The following EPHA3 variants were observed in gnomAD, a reference collection of about 807,000 sequenced individuals.
EPHA3 encodes ephrin type-A receptor 3.
A neutral mutation model predicts 107.1 loss-of-function variants in EPHA3; 42 were observed. The observed-to-expected ratio is 0.39, with a 90% CI of 0.31 to 0.51. The LOEUF (loss-of-function observed/expected upper bound fraction) is 0.51, where lower values mean the gene tolerates loss of function less well. Ranked by LOEUF, EPHA3 falls within the 20% of genes least tolerant of loss-of-function variation. The pLI, the probability that EPHA3 is intolerant of heterozygous loss-of-function variation, is 0.78. For missense variants in EPHA3, 1,183 were observed against 1,211.2 expected, an observed-to-expected ratio of 0.98 and a Z score of 0.35; for synonymous variants, 461 against 424.8, an observed-to-expected ratio of 1.09 and a Z score of -1.05.
chr3:89,284,720 C>T (rs549432444), intron 3 of EPHA3, among the ~76,000 whole-genome samples: 112 of 152,268 alleles, frequency 7.4e-4, no homozygotes, highest in Non-Finnish European at 1.3e-3. Flanking sequence ...GCCTAAAAGG[C>T]CCCAAATGAA....
At chr3:89,390,480 A>T (rs1444901266) in intron 5 of EPHA3, among the ~76,000 whole-genome samples, 1 of 151,802 alleles carries the variant, frequency 6.6e-6, no homozygotes, top group East Asian at 2.0e-4. Flanking sequence ...TTCGCCTGTA[A>T]TCCCAGCTAC....
intron 13 of EPHA3, among the ~76,000 whole-genome samples, chr3:89,443,803 A>AGATCACAGAGGATG (rs2107548365): frequency 6.6e-6 from 1 of 152,316 alleles, no homozygotes; most frequent in East Asian, 1.9e-4. Context: ...AGCAGTAGAA[A>AGATCACAGAGGATG]GATCACAGAG....
intron 2 of EPHA3, among the ~76,000 whole-genome samples, chr3:89,139,704 AG>A (rs555272528): frequency 1.6e-3 from 246 of 151,916 alleles, no homozygotes; most frequent in African/African-American, 5.5e-3. Flanking sequence ...CTAATTAGAT[AG>A]ACAAGCAATT....
chr3:89,472,129 G>C (rs938425569), intron 15 of EPHA3, among the ~76,000 whole-genome samples: 1 of 152,172 alleles, frequency 6.6e-6, no homozygotes, highest in Non-Finnish European at 1.5e-5. Flanking sequence ...CCTGCCTACT[G>C]TAACCGTATC....
chr3:89,107,816 T>G lies in EPHA3; in HGVS notation c.68T>G (p.Ile23Ser), dbSNP rs2106932649. The G allele has an allele frequency of 6.2e-7, 1 of 1,614,150 alleles. No individual in the cohort carries two copies. Among genetic ancestry groups the G allele is most frequent in the Non-Finnish European group, 8.5e-7 (1 of 1,180,010 alleles). ...GTTCTCGACAGCTTCGGGGAACTGATTCCGCAGCCTTCCAATGAAGGTAAG... is the reference window on the plus strand; with the variant it reads ...GTTCTCGACAGCTTCGGGGAACTGAGTCCGCAGCCTTCCAATGAAGGTAAG... ...CSVLDSFGEL[I>S]PQPSNEVNLL... is the part of the protein sequence containing the mutation. Residue 23 changes from isoleucine to serine, a missense_variant, in exon 1 of 17, where the codon ATT becomes AGT. Coordinates refer to ENST00000336596, the MANE Select transcript of EPHA3 (RefSeq NM_005233.6).
intron 12 of EPHA3, 113 bp downstream of exon 12, chr3:89,429,280 A>T: frequency 1.3e-6 from 1 of 755,058 alleles, no homozygotes; most frequent in Non-Finnish European, 2.1e-6. Context: ...GTAAAACTGA[A>T]ATCTTCTGAG....
chr3:89,223,195 C>T (rs1030793341), intron 3 of EPHA3, among the ~76,000 whole-genome samples: 6 of 152,116 alleles, frequency 3.9e-5, no homozygotes, highest in African/African-American at 1.4e-4. Flanking sequence ...AAAAACTCCT[C>T]TTACGATCAT....
At chr3:89,149,062 G>T (rs1704633270) in intron 2 of EPHA3, among the ~76,000 whole-genome samples, 3 of 151,914 alleles carry the variant, frequency 2.0e-5, no homozygotes, top group Non-Finnish European at 4.4e-5. Context: ...CTTCAAAAGA[G>T]ACAGAAAAAT....
At chr3:89,371,871 C>T (rs1708312008) in intron 5 of EPHA3, among the ~76,000 whole-genome samples, 1 of 151,466 alleles carries the variant, frequency 6.6e-6, no homozygotes, top group African/African-American at 2.4e-5. Flanking sequence ...GAAACAGTTT[C>T]TAAATGACTC....
At chr3:89,138,539 T>C (rs1017770599) in intron 2 of EPHA3, among the ~76,000 whole-genome samples, 1 of 151,824 alleles carries the variant, frequency 6.6e-6, no homozygotes, top group East Asian at 1.9e-4. Context: ...GTTCCTAGAG[T>C]GTTACTAGGA....
intron 3 of EPHA3, among the ~76,000 whole-genome samples, chr3:89,249,846 T>A (rs1705119782): frequency 6.6e-6 from 1 of 152,204 alleles, no homozygotes; most frequent in South Asian, 2.1e-4. Flanking sequence ...AAAAAATAAT[T>A]GTTTCCTGGC....
In EPHA3 at chr3:89,111,873, TG is replaced by T. The variant is rs540993495; in HGVS notation, c.88+4038del. Among the ~76,000 whole-genome samples the T allele has an allele frequency of 5.9e-5, 9 of 152,262 alleles. No individual in the cohort carries two copies. In the South Asian group the frequency reaches 1.0e-3, roughly 18 times the overall value. ...ATACTATTCCAGTCCTTGTCATAAA[TG>T]AGCAATTATAAACTCTTTTAGATAT... On this transcript the variant is annotated intron_variant, in intron 1 of 16. Transcript: ENST00000336596.
At position 89,232,267 on chromosome 3, in the gene EPHA3, T is replaced by C. The variant is rs148200458; in HGVS notation, c.814+21747T>C. On this transcript the variant is annotated intron_variant, in intron 3 of 16. Coordinates refer to ENST00000336596, the MANE Select transcript of EPHA3 (RefSeq NM_005233.6). The stretch of plus-strand genomic sequence containing the variant: ...ATTTAAAGAATGAAGAGCAAAAAAA[T>C]TGGTGGTTGGGCAAGGAAGACTCAT... Among the ~76,000 whole-genome samples the C allele has an allele frequency of 8.6e-3, 1,309 of 152,040 alleles. 6 individuals carry two copies. The highest frequency in any genetic ancestry group is 0.012 in the Non-Finnish European group (840 of 67,984).
intron 2 of EPHA3, among the ~76,000 whole-genome samples, chr3:89,149,509 A>T (rs1704643062): frequency 6.6e-6 from 1 of 151,930 alleles, no homozygotes; most frequent in South Asian, 2.1e-4. Context: ...TTATACTTTA[A>T]GTTTTAGGGT....
At chr3:89,234,308 G>A (rs1361886626) in intron 3 of EPHA3, among the ~76,000 whole-genome samples, 3 of 152,040 alleles carry the variant, frequency 2.0e-5, no homozygotes, top group Non-Finnish European at 4.4e-5. Flanking sequence ...AAACATTCTG[G>A]TGTTACTCAT....
intron 5 of EPHA3, among the ~76,000 whole-genome samples, chr3:89,358,069 A>C (rs528317879): frequency 6.6e-6 from 1 of 151,252 alleles, no homozygotes; most frequent in African/African-American, 2.4e-5. Context: ...TGTATAAATT[A>C]GGAATGTAAA....
intron 11 of EPHA3, among the ~76,000 whole-genome samples, chr3:89,428,283 A>G (rs776791715): frequency 6.6e-6 from 1 of 152,022 alleles, no homozygotes; most frequent in South Asian, 2.1e-4. Context: ...CAGCAAGTTA[A>G]TTAGCCTCTG....
intron 2 of EPHA3, among the ~76,000 whole-genome samples, chr3:89,134,265 C>T (rs1452608166): frequency 1.3e-5 from 2 of 151,410 alleles, no homozygotes; most frequent in Non-Finnish European, 2.9e-5. Context: ...ATGAGCACAA[C>T]GTGCAGGTTT....
chr3:89,114,003 C>G (rs1707189066), intron 1 of EPHA3, among the ~76,000 whole-genome samples: 1 of 152,152 alleles, frequency 6.6e-6, no homozygotes, highest in Non-Finnish European at 1.5e-5. Flanking sequence ...TTTTCTAAAT[C>G]ATGTCCCGCT....
Sources: allele counts gnomAD v4.1 joint callset (sites outside exome capture counted in the v4.1 genomes callset), GRCh38; gene constraint gnomAD v4.1.1; transcripts MANE v1.5; gene names NCBI Gene and HGNC (gene_info 2026-07-23, HGNC 2026-07-21).